SETD2: variants seen among roughly 807,000 people sequenced by gnomAD.
SETD2 encodes the protein SET domain containing 2, histone lysine methyltransferase.
SETD2 carries 31 observed loss-of-function variants against 242.1 expected under a neutral mutation model. The ratio of observed to expected loss-of-function variants is 0.13; its 90% confidence interval spans 0.10 to 0.17. The LOEUF (loss-of-function observed/expected upper bound fraction) is 0.17. Ranked by LOEUF, SETD2 falls within the 10% of genes least tolerant of loss-of-function variation. The pLI is 1.00. For missense variants in SETD2, 2,481 were observed against 3,046.3 expected (o/e 0.81, Z 4.37); for synonymous variants, 1,006 against 1,066.5 (o/e 0.94, Z 1.11).
At chr3:47,064,439 C>T (rs552358291) in intron 13 of SETD2, 14 of 172,562 alleles carry the variant, frequency 8.1e-5, no homozygotes, top group Admixed American at 2.5e-4. Flanking sequence ...GCATCTGGAT[C>T]TACCCACGTC....
chr3:47,118,318 T>A (rs1273676083), intron 3 of SETD2, among the ~76,000 whole-genome samples: 2 of 152,188 alleles, frequency 1.3e-5, no homozygotes, highest in Admixed American at 1.3e-4. Context: ...GGTAAGCCCT[T>A]TTCCATTAAA....
chr3:47,121,624 A>C lies in SETD2; in HGVS notation c.3012T>G (p.Asp1004Glu), dbSNP rs1458676359. 9.3e-6 allele frequency: 15 copies of C among 1,614,048 alleles called. No individual in the cohort carries two copies. Among genetic ancestry groups the C allele is most frequent in the Non-Finnish European group, 1.3e-5 (15 of 1,180,034 alleles). The change falls in exon 3 of 21, where the codon GAT (aspartate) becomes GAG (glutamate). Residue 1004 changes from aspartate (D) to glutamate (E), a missense_variant. By Grantham distance (45) the Asp-to-Glu change is conservative (BLOSUM62 2). Coordinates refer to ENST00000409792, the MANE Select transcript of SETD2 (RefSeq NM_014159.7). ...DDSEVVFSSC[D>E]LNLTMEDSDG... Reference sequence around the variant, plus strand: ...CACTGTCTTCCATGGTTAAATTCAAATCACAAGAAGAAAATACAACTTCTG... The same window carrying C: ...CACTGTCTTCCATGGTTAAATTCAACTCACAAGAAGAAAATACAACTTCTG...
In SETD2 at chr3:47,017,807, A is replaced by G; in HGVS notation, c.7432-68T>C. 9.1e-7 allele frequency: 1 copy of G among 1,104,230 alleles called. No homozygotes were observed. The highest frequency in any genetic ancestry group is 1.4e-6 in the Non-Finnish European group (1 of 717,064). The allele number at this position is 1,104,230 out of a possible 1,614,324, so 68.4% of individuals were successfully genotyped here. On this transcript the variant is annotated intron_variant, in intron 19 of 20. Transcript: ENST00000409792. This position sits in a 1 kb window ranked among gnomAD's most constrained non-coding sequence, Gnocchi z 4.8. ...GAGGGCAAGGAGTTGTACTGAGGAA[A>G]TAACTAGAAAAGGTAGTGAGTAAAG...
chr3:47,082,993 C>T (rs149210928), intron 12 of SETD2, among the ~76,000 whole-genome samples: 3 of 152,312 alleles, frequency 2.0e-5, no homozygotes, highest in African/African-American at 7.2e-5. Context: ...GTCCTCAAGA[C>T]GTGGATCCCA....
At chr3:47,112,295 T>C (rs1224169952) in intron 5 of SETD2, among the ~76,000 whole-genome samples, 1 of 151,950 alleles carries the variant, frequency 6.6e-6, no homozygotes, top group Non-Finnish European at 1.5e-5. Context: ...TTGTTTTGTT[T>C]TTTGAGACAG....
chr3:47,085,800 A>C (rs1386169089), intron 11 of SETD2, among the ~76,000 whole-genome samples: 1 of 152,156 alleles, frequency 6.6e-6, no homozygotes, highest in Non-Finnish European at 1.5e-5. Context: ...AAATGTTCAT[A>C]CTCTTGTTAT....
At chr3:47,141,598 C>A (rs566555128) in intron 1 of SETD2, among the ~76,000 whole-genome samples, 1 of 152,180 alleles carries the variant, frequency 6.6e-6, no homozygotes, top group African/African-American at 2.4e-5. Flanking sequence ...CATCTTAATA[C>A]TAAAAATGCT....
In SETD2 at chr3:47,123,677, C is replaced by T. The variant is rs1326993979; in HGVS notation, c.959G>A (p.Gly320Asp). ...KSSQSEGIFLGSESDEDSVRT... is the reference protein window; with the variant it reads ...KSSQSEGIFLDSESDEDSVRT... ...TACAGAATCTTCATCAGATTCTGAACCAAGAAAGATGCCTTCAGATTGTGA... is the reference window on the plus strand; with the variant it reads ...TACAGAATCTTCATCAGATTCTGAATCAAGAAAGATGCCTTCAGATTGTGA... The change falls in exon 3 of 21, where the codon GGT becomes GAT. Residue 320 changes from glycine to aspartate, a missense_variant. Transcript: ENST00000409792. 1 of 1,551,068 alleles carries T rather than the reference C, an allele frequency of 6.4e-7. No homozygotes were observed.
chr3:47,033,652 ATTTTTTTTTTTTTTT>A lies in SETD2; in HGVS notation c.7350+3999_7350+4013del, dbSNP rs34978514. On this transcript the variant is annotated intron_variant, in intron 18 of 20. Coordinates refer to ENST00000409792, the MANE Select transcript of SETD2 (RefSeq NM_014159.7). Reference sequence around the variant, plus strand: ...AAGTTATAAGCCCTGTCATGGTTTGATTTTTTTTTTTTTTTTTTTTTTTTTTGAGACAGAGTCTCG... The same window carrying A: ...AAGTTATAAGCCCTGTCATGGTTTGATTTTTTTTTTTGAGACAGAGTCTCG... Among the ~76,000 whole-genome samples, 32 of 90,864 alleles carry A rather than the reference ATTTTTTTTTTTTTTT, an allele frequency of 3.5e-4. 1 individual carries two copies. The highest frequency in any genetic ancestry group is 1.5e-3 in the African/African-American group (32 of 22,066). 59.6% of individuals were successfully genotyped at this position (90,864 alleles called of 152,430 possible).
intron 15 of SETD2, among the ~76,000 whole-genome samples, chr3:47,052,920 C>T (rs572053611): frequency 2.6e-5 from 4 of 151,996 alleles, no homozygotes; most frequent in East Asian, 3.9e-4. Flanking sequence ...GACAGAGTCT[C>T]GCTCTGTCTC....
At chr3:47,127,933 G>A (rs1198869831) in intron 1 of SETD2, among the ~76,000 whole-genome samples, 1 of 152,136 alleles carries the variant, frequency 6.6e-6, no homozygotes, top group African/African-American at 2.4e-5. Flanking sequence ...ATTGCACTGA[G>A]CCAAGATCAT....
chr3:47,147,652 G>A (rs1054839718), intron 1 of SETD2, among the ~76,000 whole-genome samples: 1 of 151,330 alleles, frequency 6.6e-6, no homozygotes, highest in Non-Finnish European at 1.5e-5. Flanking sequence ...GGCCGGGCGC[G>A]GTGGCTCACT....
chr3:47,145,568 A>C (rs1263999901), intron 1 of SETD2: 1 of 408,620 alleles, frequency 2.4e-6, no homozygotes, highest in Non-Finnish European at 5.0e-6. Context: ...CTGTGTTTTG[A>C]CTGCAGCCCC....
chr3:47,137,103 A>G (rs2043605389), intron 1 of SETD2, among the ~76,000 whole-genome samples: 1 of 152,142 alleles, frequency 6.6e-6, no homozygotes, highest in Non-Finnish European at 1.5e-5. Flanking sequence ...TAAAAAGATG[A>G]CACCTCAAAT....
Position 47,083,800 on chromosome 3 carries a change from T to C in SETD2, c.5980A>G (p.Arg1994Gly), listed in dbSNP as rs756031689. 5 of 1,614,162 alleles carry C rather than the reference T, an allele frequency of 3.1e-6. No individual in the cohort carries two copies. The South Asian group carries it at 3.3e-5, about 11-fold the overall frequency. Residue 1994 changes from arginine to glycine, a missense_variant, in exon 12 of 21, where the codon AGG becomes GGG. Arg to Gly is a moderately radical substitution (Grantham distance 125, BLOSUM62 -2). Coordinates refer to ENST00000409792, the MANE Select transcript of SETD2 (RefSeq NM_014159.7). ...EEGVSDVESE[R>G]SQEQPDKTVD... ...GTTTTATCTGGCTGTTCTTGGCTCC[T>C]TTCACTCTCCACATCAGACACACCC...
intron 16 of SETD2, among the ~76,000 whole-genome samples, chr3:47,043,729 T>C (rs537592395): frequency 6.6e-6 from 1 of 152,312 alleles, no homozygotes; most frequent in East Asian, 1.9e-4. Context: ...TTGTGTATAC[T>C]CTTTTTTATC....
At chr3:47,164,821 T>C (rs1044023037), upstream of SETD2, among the ~76,000 whole-genome samples, 1 of 152,138 alleles carries the variant, frequency 6.6e-6, no homozygotes, top group East Asian at 1.9e-4. The surrounding 1 kb of genome is among the most constrained non-coding windows in gnomAD (Gnocchi z 5.4). Context: ...CGCGGCGCTC[T>C]GCCCCCACCC....
At chr3:47,039,362 G>A (rs971759946) in intron 17 of SETD2, among the ~76,000 whole-genome samples, 7 of 151,814 alleles carry the variant, frequency 4.6e-5, no homozygotes, top group East Asian at 1.9e-4. Context: ...TTACAGGTGC[G>A]TGTCACCACG....
At chr3:47,030,722 C>G (rs2038725866) in intron 18 of SETD2, among the ~76,000 whole-genome samples, 1 of 152,062 alleles carries the variant, frequency 6.6e-6, no homozygotes, top group Non-Finnish European at 1.5e-5. Flanking sequence ...ATGGAAACAT[C>G]TTTTAAGTGT....
Sources: gnomAD v4.1 joint callset for allele counts (sites outside exome capture counted in the v4.1 genomes callset) on GRCh38, gnomAD v4.1.1 for gene constraint, Gnocchi (gnomAD v3.1) non-coding constraint, MANE v1.5 for transcripts, NCBI Gene and HGNC (gene_info 2026-07-23, HGNC 2026-07-21) for gene names.